PLXNB2: variants seen among roughly 807,000 people sequenced by gnomAD.
PLXNB2 encodes the protein plexin-B2.
PLXNB2 carries 85 observed loss-of-function variants against 202.6 expected under a neutral mutation model. The observed-to-expected ratio is 0.42, with a 90% CI of 0.35 to 0.50. The LOEUF (loss-of-function observed/expected upper bound fraction) is 0.50. Among genes scored for constraint, PLXNB2 ranks in the 20% least tolerant of loss-of-function variants. PLXNB2 has a pLI of 0.02. For missense variants in PLXNB2, 2,063 were observed against 2,586.2 expected (o/e 0.80, Z 4.39); for synonymous variants, 1,239 against 1,137.6 (o/e 1.09, Z -1.79).
In PLXNB2 at chr22:50,284,512, C is replaced by A; in HGVS notation, c.2181+61G>T. 1.5e-6 allele frequency: 2 copies of A among 1,311,734 alleles called. No individual in the cohort carries two copies. The highest frequency in any genetic ancestry group is 2.2e-6 in the Non-Finnish European group (2 of 926,448). The allele number at this position is 1,311,734 out of a possible 1,614,324, so 81.3% of individuals were successfully genotyped here. On this transcript the variant is annotated intron_variant, in intron 12 of 36. Coordinates refer to ENST00000359337, the MANE Select transcript of PLXNB2 (RefSeq NM_012401.4). The surrounding 1 kb of genome is among the most constrained non-coding windows in gnomAD (Gnocchi z 8.0). ...CTCCCCTCACAGTCCTGAAGGTGAC[C>A]CCCCACCCCACCCGGGGCCCTGGGG...
Position 50,277,844 on chromosome 22 carries a change from G to T in PLXNB2, c.5048+9C>A. 4.3e-6 allele frequency: 7 copies of T among 1,611,988 alleles called. No homozygotes were observed. Among genetic ancestry groups the T allele is most frequent in the Non-Finnish European group, 5.9e-6 (7 of 1,179,162 alleles). On this transcript the variant is annotated intron_variant, in intron 32 of 36. Transcript: ENST00000359337. ...GGGGCTGGGCCGCGGGGTGGGTGTGGAGCCTCACCTGTTCGTCTTCCAGAT... is the reference window on the plus strand; with the variant it reads ...GGGGCTGGGCCGCGGGGTGGGTGTGTAGCCTCACCTGTTCGTCTTCCAGAT...
intron 1 of PLXNB2, among the ~76,000 whole-genome samples, chr22:50,300,820 G>A (rs948850481): frequency 1.3e-5 from 2 of 152,162 alleles, no homozygotes; most frequent in Non-Finnish European, 2.9e-5. Flanking sequence ...GGTGCCCCAT[G>A]AAGCCCCAGC....
Position 50,288,216 on chromosome 22 carries a change from T to C in PLXNB2, c.1381-179A>G, listed in dbSNP as rs891015819. 6.6e-6 allele frequency among the ~76,000 whole-genome samples: 1 copy of C among 152,164 alleles called. No individual in the cohort carries two copies. The highest frequency in any genetic ancestry group is 6.5e-5 in the Admixed American group (1 of 15,296). ...CTGGGTGGCCATGCCTGGCCCAGGA[T>C]CCCGATGGGAGCCCAGGGAAGCCTG... On this transcript the variant is annotated intron_variant, in intron 5 of 36. Transcript: ENST00000359337. The surrounding 1 kb of genome is among the most constrained non-coding windows in gnomAD (Gnocchi z 5.0).
intron 16 of PLXNB2, 75 bp downstream of exon 16, chr22:50,283,262 C>A (rs374162230): frequency 1.2e-6 from 2 of 1,606,320 alleles, no homozygotes; most frequent in Admixed American, 3.4e-5. Flanking sequence ...TGGTAACTGT[C>A]GTGGGGAGGC....
chr22:50,300,856 G>C (rs1052512377), intron 1 of PLXNB2, among the ~76,000 whole-genome samples: 1 of 152,148 alleles, frequency 6.6e-6, no homozygotes, highest in African/African-American at 2.4e-5. Context: ...CTCCAGCCGA[G>C]TTAGTCACAG....
chr22:50,287,363 G>T, intron 7 of PLXNB2, 99 bp from the exon 8 acceptor site: 2 of 1,334,742 alleles, frequency 1.5e-6, no homozygotes, highest in Non-Finnish European at 1.0e-6. Flanking sequence ...GCACGTCCCA[G>T]TGGAGCCTCC....
In PLXNB2 at chr22:50,275,510, G is replaced by A. The variant is rs185590865; in HGVS notation, c.*194C>T. ...CTGGGGCTGGGGCTGGTGCTGGTGC[G>A]GTGCCCGGCGGTATTGCTCAGAGGA... On this transcript the variant is annotated 3_prime_UTR_variant, in exon 37 of 37. Coordinates refer to ENST00000359337, the MANE Select transcript of PLXNB2 (RefSeq NM_012401.4). 126 of 666,078 alleles carry A rather than the reference G, an allele frequency of 1.9e-4. 1 individual carries two copies. In the East Asian group the frequency reaches 3.3e-3, roughly 18 times the overall value. 41.3% of individuals were successfully genotyped at this position (666,078 alleles called of 1,614,324 possible). A position where few individuals can be genotyped will look rare whatever the true frequency, so the allele number is the denominator to read the frequency against.
Position 50,300,184 on chromosome 22 carries a change from G to A in PLXNB2, c.-73-5406C>T, listed in dbSNP as rs1030501899. 10 of 798,816 alleles carry A rather than the reference G, an allele frequency of 1.3e-5. No individual in the cohort carries two copies. The East Asian group carries it at 7.5e-4, about 60-fold the overall frequency. 49.5% of individuals were successfully genotyped at this position (798,816 alleles called of 1,614,324 possible). The stretch of plus-strand genomic sequence containing the variant: ...CCTCACCAGGCCGGGGGCCCAGGAC[G>A]CGCGGGCGGGTGGGAGTCTGACCCG... On this transcript the variant is annotated intron_variant, in intron 1 of 36. Transcript: ENST00000359337.
At position 50,280,654 on chromosome 22, in the gene PLXNB2, T is replaced by C; in HGVS notation, c.4010A>G (p.Glu1337Gly). The C allele has an allele frequency of 6.2e-7, 1 of 1,612,384 alleles. No individual in the cohort carries two copies. The highest frequency in any genetic ancestry group is 8.5e-7 in the Non-Finnish European group (1 of 1,179,746). The part of the protein sequence containing the change: ...SFLINFIHTL[E>G]NQREFSARAK... ...GCGGGCCGAGAACTCCCGCTGGTTC[T>C]CCAGGGTGTGGATGAACTGTAGGGG... is the stretch of plus-strand genomic sequence containing the variant. The change falls in exon 25 of 37, where the codon GAG (glutamate) becomes GGG (glycine). Residue 1337 changes from glutamate (E) to glycine (G), a missense_variant. Physicochemically the swap from Glu to Gly is moderately conservative, Grantham distance 98. Transcript: ENST00000359337.
intron 24 of PLXNB2, 30 bp downstream of exon 24, chr22:50,280,714 G>GGGCCCCCCCCCCC: frequency 6.5e-7 from 1 of 1,528,920 alleles, no homozygotes; most frequent in Non-Finnish European, 8.9e-7. Flanking sequence ...CCACCTGTGT[G>GGGCCCCCCCCCCC]CCCTCCCGCC....
At chr22:50,280,714 G>GCCCCCCCCC (rs1601687919) in intron 24 of PLXNB2, 30 bp downstream of exon 24, 3 of 1,528,910 alleles carry the variant, frequency 2.0e-6, no homozygotes, top group Non-Finnish European at 1.8e-6. Context: ...CCACCTGTGT[G>GCCCCCCCCC]CCCTCCCGCC....
intron 1 of PLXNB2, chr22:50,301,260 TC>T (rs1455849491): frequency 2.0e-5 from 7 of 347,776 alleles, no homozygotes; most frequent in Non-Finnish European, 2.8e-5. Context: ...CCAGACCCCA[TC>T]CTGTCCAACC....
At chr22:50,294,679 G>T in intron 2 of PLXNB2, 40 bp downstream of exon 2, 1 of 924,738 alleles carries the variant, frequency 1.1e-6, no homozygotes. Flanking sequence ...TGTCCACATA[G>T]CCCCAGCCAC....
chr22:50,278,714 C>T lies in PLXNB2; in HGVS notation c.4547-18G>A, dbSNP rs1243104234. The T allele has an allele frequency of 1.2e-6, 2 of 1,602,002 alleles. No individual in the cohort carries two copies. Among genetic ancestry groups the T allele is most frequent in the African/African-American group, 2.7e-5 (2 of 74,760 alleles). ...ACGCCACTCTGTGGGAAGAGACAGCCCAGCTTGGGCCCCAGCCACCCAGGT... is the reference window on the plus strand; with the variant it reads ...ACGCCACTCTGTGGGAAGAGACAGCTCAGCTTGGGCCCCAGCCACCCAGGT... On this transcript the variant is annotated intron_variant, in intron 28 of 36. Transcript: ENST00000359337.
chr22:50,306,606 G>C (rs904760439), intron 1 of PLXNB2, among the ~76,000 whole-genome samples: 2 of 152,184 alleles, frequency 1.3e-5, no homozygotes, highest in Non-Finnish European at 2.9e-5. Context: ...ACATTAAGTG[G>C]GGAGGGCGGG....
chr22:50,279,872 A>G (rs1381362559), intron 26 of PLXNB2, 96 bp from the exon 27 acceptor site: 9 of 1,496,436 alleles, frequency 6.0e-6, no homozygotes, highest in African/African-American at 4.2e-5. Context: ...GGGGCTGACC[A>G]TGTCAGGGGC....
At chr22:50,287,850 G>C in intron 6 of PLXNB2, 57 bp from the exon 7 acceptor site, 2 of 1,596,622 alleles carry the variant, frequency 1.3e-6, no homozygotes, top group Non-Finnish European at 1.7e-6. Context: ...CCCGGGACAG[G>C]ACAGTGCGAT....
rs1314985315 is a variant in PLXNB2 at position 50,278,834 on chromosome 22, CG to C, written c.4546+20del. The stretch of plus-strand genomic sequence containing the variant: ...AGGCACATGGGCGCCTGTGTGCAGA[CG>C]GGCAGGGGCCGGCACTCACCCAGGA... On this transcript the variant is annotated intron_variant, in intron 28 of 36. Transcript: ENST00000359337. 2 of 1,604,184 alleles carry C rather than the reference CG, an allele frequency of 1.2e-6. No individual in the cohort carries two copies. Among genetic ancestry groups the C allele is most frequent in the Admixed American group, 1.7e-5 (1 of 59,694 alleles).
chr22:50,291,233 C>A lies in PLXNB2; in HGVS notation c.-13-636G>T, dbSNP rs2066848332. ...CCTGCCCTGGTGAAACAGTGGAAGCCAGCAATCACCCACAGCTCCTCGCTC... is the reference window on the plus strand; with the variant it reads ...CCTGCCCTGGTGAAACAGTGGAAGCAAGCAATCACCCACAGCTCCTCGCTC... On this transcript the variant is annotated intron_variant, in intron 2 of 36. Transcript: ENST00000359337. The surrounding 1 kb of genome is among the most constrained non-coding windows in gnomAD (Gnocchi z 4.3). Among the ~76,000 whole-genome samples, 2 of 152,220 alleles carry A rather than the reference C, an allele frequency of 1.3e-5. No individual in the cohort carries two copies. The highest frequency in any genetic ancestry group is 2.9e-5 in the Non-Finnish European group (2 of 68,040).
Sources: gnomAD v4.1 joint callset for allele counts (sites outside exome capture counted in the v4.1 genomes callset) on GRCh38, gnomAD v4.1.1 for gene constraint, Gnocchi (gnomAD v3.1) non-coding constraint, MANE v1.5 for transcripts, NCBI Gene and HGNC (gene_info 2026-07-23, HGNC 2026-07-21) for gene names.